GALNT17: variants seen among roughly 807,000 people sequenced by gnomAD.
GALNT17 encodes UDP-GalNAc:polypeptide N-acetylgalactosaminyltransferase-like 3.
Under a neutral mutation model 63.7 loss-of-function variants are expected in GALNT17, and 29 were observed. That is an observed-to-expected ratio of 0.46 (90% CI 0.34 to 0.62). GALNT17 has a LOEUF of 0.62. Among genes scored for constraint, GALNT17 ranks in the 20% least tolerant of loss-of-function variants. The probability of loss-of-function intolerance (pLI) is 0.01; values close to 1 mark genes in which losing one functional copy is unlikely to be tolerated. For missense variants in GALNT17, 603 were observed against 799.6 expected (o/e 0.75, Z 2.97); for synonymous variants, 305 against 318.3 (o/e 0.96, Z 0.45).
Position 71,677,203 on chromosome 7 carries a change from T to G in GALNT17, c.1405-8T>G, listed in dbSNP as rs774743550. 6.2e-7 allele frequency: 1 copy of G among 1,613,772 alleles called. No individual in the cohort carries two copies. The highest frequency in any genetic ancestry group is 1.3e-5 in the African/African-American group (1 of 74,916). On this transcript the variant is annotated splice_region_variant and splice_polypyrimidine_tract_variant and intron_variant, in intron 8 of 10. Transcript: ENST00000333538. ...CTCTCATGGGTCGTGTTTTGTCTAT[T>G]CTTGCAGCTTCGCAACAACAAGGCA...
intron 2 of GALNT17, among the ~76,000 whole-genome samples, chr7:71,342,314 A>G (rs1289350940): frequency 1.3e-5 from 2 of 152,104 alleles, no homozygotes; most frequent in East Asian, 3.9e-4. Flanking sequence ...GAGATGCCAC[A>G]CACTTTTAAA....
At chr7:71,329,423 G>C (rs1347648845) in intron 1 of GALNT17, among the ~76,000 whole-genome samples, 1 of 152,172 alleles carries the variant, frequency 6.6e-6, no homozygotes, top group Non-Finnish European at 1.5e-5. Context: ...CGTACACTGA[G>C]GAACAGCTGT....
At chr7:71,680,866 CCTTCCTTCCTTCCTTTT>C (rs1310757978) in intron 9 of GALNT17, among the ~76,000 whole-genome samples, 2 of 145,910 alleles carry the variant, frequency 1.4e-5, no homozygotes, top group Non-Finnish European at 3.0e-5. Flanking sequence ...TTCTTTCCTT[CCTTCCTTCCTTCCTTTT>C]CTTCCTTCCT....
At chr7:71,271,842 G>A (rs760987677) in intron 1 of GALNT17, among the ~76,000 whole-genome samples, 1 of 152,088 alleles carries the variant, frequency 6.6e-6, no homozygotes, top group African/African-American at 2.4e-5. Context: ...TCACTGCAGC[G>A]TCGACCTCCC....
intron 6 of GALNT17, among the ~76,000 whole-genome samples, chr7:71,582,126 G>A (rs970275094): frequency 1.3e-5 from 2 of 152,042 alleles, no homozygotes; most frequent in Admixed American, 6.6e-5. Context: ...GTAGAACTAC[G>A]ATTTGATCCA....
chr7:71,191,971 G>T (rs912588889), intron 1 of GALNT17, among the ~76,000 whole-genome samples: 6 of 152,140 alleles, frequency 3.9e-5, no homozygotes, highest in Non-Finnish European at 8.8e-5. Context: ...GCCAGTATTG[G>T]CTCATTCCCA....
At chr7:71,398,871 G>C (rs1220492136) in intron 3 of GALNT17, among the ~76,000 whole-genome samples, 1 of 152,200 alleles carries the variant, frequency 6.6e-6, no homozygotes, top group Non-Finnish European at 1.5e-5. Context: ...AAGCTGATCA[G>C]ACATTGTGCA....
chr7:71,517,882 G>A (rs948916954), intron 5 of GALNT17, among the ~76,000 whole-genome samples: 31 of 152,202 alleles, frequency 2.0e-4, no homozygotes, highest in Non-Finnish European at 1.5e-5. Flanking sequence ...GTTGGATATG[G>A]TGTCATAAGT....
At chr7:71,218,920 A>G (rs1011370597) in intron 1 of GALNT17, among the ~76,000 whole-genome samples, 9 of 152,170 alleles carry the variant, frequency 5.9e-5, no homozygotes, top group Admixed American at 5.9e-4. Flanking sequence ...AGTAGTAATA[A>G]TAGCAGTAAA....
chr7:71,651,328 G>A (rs1366693013), intron 6 of GALNT17, among the ~76,000 whole-genome samples: 1 of 149,718 alleles, frequency 6.7e-6, no homozygotes, highest in Non-Finnish European at 1.5e-5. Context: ...TTTTGAGATG[G>A]AGTCTTCCTC....
chr7:71,438,815 A>C (rs114388646), intron 5 of GALNT17, among the ~76,000 whole-genome samples: 1 of 151,822 alleles, frequency 6.6e-6, no homozygotes, highest in Non-Finnish European at 1.5e-5. Flanking sequence ...ATAACAAATA[A>C]CCTGATCATT....
chr7:71,398,614 G>C (rs1460816664), intron 3 of GALNT17, among the ~76,000 whole-genome samples: 1 of 152,110 alleles, frequency 6.6e-6, no homozygotes, highest in Admixed American at 6.6e-5. Context: ...GCTTTCCTTA[G>C]ATATCTGGTG....
chr7:71,171,406 C>T (rs184136964), intron 1 of GALNT17, among the ~76,000 whole-genome samples: 39 of 152,212 alleles, frequency 2.6e-4, no homozygotes, highest in Admixed American at 1.2e-3. Context: ...GACGATGAGG[C>T]GGGAAGATGG....
At chr7:71,597,431 C>T (rs962645128) in intron 6 of GALNT17, among the ~76,000 whole-genome samples, 2 of 151,964 alleles carry the variant, frequency 1.3e-5, no homozygotes, top group African/African-American at 4.8e-5. Context: ...TCACTTGAGC[C>T]CAGAAGTTGG....
intron 1 of GALNT17, among the ~76,000 whole-genome samples, chr7:71,292,666 A>AGTGTGTGTGTGTGTGTGTGT (rs748111147): frequency 8.5e-6 from 1 of 117,016 alleles, no homozygotes; most frequent in Non-Finnish European, 1.8e-5. Context: ...AGAGAGAGAG[A>AGTGTGTGTGTGTGTGTGTGT]GAGTGTGTGT....
intron 5 of GALNT17, among the ~76,000 whole-genome samples, chr7:71,545,352 T>TTTGC (rs1788965313): frequency 6.6e-6 from 1 of 152,136 alleles, no homozygotes; most frequent in Non-Finnish European, 1.5e-5. Context: ...GGTTTTTTGG[T>TTTGC]TTGCTTGTTT....
intron 5 of GALNT17, among the ~76,000 whole-genome samples, chr7:71,428,468 C>A (rs971658889): frequency 2.6e-5 from 4 of 151,990 alleles, no homozygotes; most frequent in Admixed American, 1.3e-4. Flanking sequence ...GAGACAGAAT[C>A]TCTCCCTGTC....
intron 5 of GALNT17, among the ~76,000 whole-genome samples, chr7:71,548,050 A>T (rs1172325255): frequency 6.6e-6 from 1 of 152,024 alleles, no homozygotes; most frequent in Non-Finnish European, 1.5e-5. Context: ...CAACATGGTG[A>T]AACCCTGTCT....
chr7:71,141,764 C>T (rs1787896889), intron 1 of GALNT17, among the ~76,000 whole-genome samples: 1 of 150,088 alleles, frequency 6.7e-6, no homozygotes, highest in Admixed American at 6.7e-5. Flanking sequence ...GCAAACTCTG[C>T]CTCATGGGTT....
Sources: allele counts gnomAD v4.1 joint callset (sites outside exome capture counted in the v4.1 genomes callset), GRCh38; gene constraint gnomAD v4.1.1; transcripts MANE v1.5; gene names NCBI Gene and HGNC (gene_info 2026-07-23, HGNC 2026-07-21).